MTUS2: variants seen among roughly 807,000 people sequenced by gnomAD.
MTUS2 encodes the protein microtubule associated scaffold protein 2.
A neutral mutation model predicts 114.1 loss-of-function variants in MTUS2; 40 were observed. The observed-to-expected ratio is 0.35, with a 90% CI of 0.27 to 0.46. MTUS2 has a LOEUF of 0.46. MTUS2 is among the 20% of genes least tolerant of loss of function. The pLI is 1.00. For missense variants in MTUS2, 1,679 were observed against 1,705.4 expected (o/e 0.98, Z 0.27); for synonymous variants, 688 against 672.0 (o/e 1.02, Z -0.37).
intron 9 of MTUS2, among the ~76,000 whole-genome samples, chr13:29,458,625 C>T (rs549573033): frequency 2.0e-5 from 3 of 152,320 alleles, no homozygotes; most frequent in African/African-American, 7.2e-5. Context: ...ACCACTCTCT[C>T]CCAATCTCTA....
At chr13:28,911,150 C>T (rs1049214072) in intron 2 of MTUS2, among the ~76,000 whole-genome samples, 7 of 147,398 alleles carry the variant, frequency 4.7e-5, no homozygotes, top group African/African-American at 1.5e-4. Flanking sequence ...GCTGGGATTA[C>T]AGGCATGAGC....
chr13:29,012,941 GCAAC>G (rs1426407694), intron 2 of MTUS2, among the ~76,000 whole-genome samples: 2 of 152,164 alleles, frequency 1.3e-5, no homozygotes, highest in African/African-American at 4.8e-5. Context: ...AGGCTATGAA[GCAAC>G]CAGGTGTGAG....
intron 5 of MTUS2, among the ~76,000 whole-genome samples, chr13:29,224,948 G>T (rs1457054415): frequency 2.0e-5 from 3 of 152,202 alleles, no homozygotes; most frequent in East Asian, 1.9e-4. Flanking sequence ...CTGCACCAGG[G>T]TTTAGTGGGA....
intron 2 of MTUS2, among the ~76,000 whole-genome samples, chr13:28,972,583 T>A (rs1467093894): frequency 6.6e-6 from 1 of 152,170 alleles, no homozygotes; most frequent in East Asian, 1.9e-4. Flanking sequence ...GCCACTTAGG[T>A]TAGTTTTACC....
Position 29,505,947 on chromosome 13 carries a change from A to G in MTUS2, c.*2741A>G. The G allele has an allele frequency of 4.8e-6, 1 of 206,274 alleles. No individual in the cohort carries two copies. Among genetic ancestry groups the G allele is most frequent in the Non-Finnish European group, 9.9e-6 (1 of 100,862 alleles). 12.8% of individuals were successfully genotyped at this position (206,274 alleles called of 1,614,324 possible). On this transcript the variant is annotated 3_prime_UTR_variant, in exon 16 of 16. Coordinates refer to ENST00000612955, the MANE Select transcript of MTUS2 (RefSeq NM_001033602.4). Reference sequence around the variant, plus strand: ...AAATAAACTTGAGGGACTTTCTGCGATATCTACTTGATGTAACTGGAGACC... The same window carrying G: ...AAATAAACTTGAGGGACTTTCTGCGGTATCTACTTGATGTAACTGGAGACC...
At chr13:29,416,827 T>G (rs1875704365) in intron 8 of MTUS2, among the ~76,000 whole-genome samples, 1 of 151,022 alleles carries the variant, frequency 6.6e-6, no homozygotes, top group African/African-American at 2.4e-5. Context: ...GCCTAGAGGT[T>G]TTGTTTTGTT....
intron 5 of MTUS2, among the ~76,000 whole-genome samples, chr13:29,112,217 C>A (rs1416817722): frequency 6.6e-6 from 1 of 152,110 alleles, no homozygotes; most frequent in South Asian, 2.1e-4. Context: ...GAAGCTGACA[C>A]ATTGTGTAGG....
chr13:29,437,108 A>G (rs61946431), intron 8 of MTUS2, among the ~76,000 whole-genome samples: 13,220 of 152,248 alleles, frequency 0.087, 806 homozygotes, highest in Non-Finnish European at 0.12. Flanking sequence ...TCCCTAGGGC[A>G]TGACTCTGAT....
intron 4 of MTUS2, among the ~76,000 whole-genome samples, chr13:29,088,962 G>A (rs558149562): frequency 9.9e-5 from 15 of 152,206 alleles, no homozygotes; most frequent in African/African-American, 2.6e-4. Context: ...TACATTTAAG[G>A]TCAATATTGA....
chr13:29,299,235 G>T (rs528629101), intron 6 of MTUS2, among the ~76,000 whole-genome samples: 1 of 152,310 alleles, frequency 6.6e-6, no homozygotes, highest in East Asian at 1.9e-4. Flanking sequence ...TAGATGGTCT[G>T]TCTGCTGTTC....
intron 6 of MTUS2, among the ~76,000 whole-genome samples, chr13:29,291,237 A>G (rs1358698211): frequency 6.6e-6 from 1 of 152,030 alleles, no homozygotes; most frequent in Admixed American, 6.5e-5. Flanking sequence ...TCGTCTCTCC[A>G]CTGTTGTTAA....
chr13:29,054,293 G>A (rs986183019), intron 4 of MTUS2, among the ~76,000 whole-genome samples: 1 of 151,982 alleles, frequency 6.6e-6, no homozygotes, highest in Non-Finnish European at 1.5e-5. Flanking sequence ...AGCTGTAAGG[G>A]ATATTTATAT....
intron 7 of MTUS2, among the ~76,000 whole-genome samples, chr13:29,338,431 C>A (rs1593320141): frequency 1.3e-5 from 2 of 150,820 alleles, no homozygotes; most frequent in Non-Finnish European, 1.5e-5. Flanking sequence ...TATTAAAATA[C>A]AAAAAAAAAT....
At chr13:29,000,964 G>T (rs183962518) in intron 2 of MTUS2, among the ~76,000 whole-genome samples, 1 of 152,102 alleles carries the variant, frequency 6.6e-6, no homozygotes, top group East Asian at 1.9e-4. Flanking sequence ...CCCCAGTTCC[G>T]CTGAACACTT....
At chr13:29,161,692 A>T (rs1317519227) in intron 5 of MTUS2, among the ~76,000 whole-genome samples, 1 of 152,202 alleles carries the variant, frequency 6.6e-6, no homozygotes, top group African/African-American at 2.4e-5. Context: ...ATTAGGATTC[A>T]TCTCCACAGT....
At chr13:29,200,031 G>A (rs1201455337) in intron 5 of MTUS2, among the ~76,000 whole-genome samples, 1 of 152,034 alleles carries the variant, frequency 6.6e-6, no homozygotes, top group Non-Finnish European at 1.5e-5. Flanking sequence ...GATCAGTGGT[G>A]ATATCTGCTT....
rs111341440 is a variant in MTUS2, at chr13:29,212,559, T to G, written c.2645-69145T>G. Among the ~76,000 whole-genome samples, 322 of 151,892 alleles carry G rather than the reference T, an allele frequency of 2.1e-3. 2 individuals carry two copies. The highest frequency in any genetic ancestry group is 6.9e-3 in the African/African-American group (288 of 41,572). On this transcript the variant is annotated intron_variant, in intron 5 of 15. Transcript: ENST00000612955. ...TAGTAGGTGTGTATGTGACCCACAC[T>G]TCTGTCTGACTTGGCTACAAATTGG...
intron 5 of MTUS2, among the ~76,000 whole-genome samples, chr13:29,193,939 G>A (rs1181089000): frequency 9.9e-5 from 15 of 151,808 alleles, no homozygotes; most frequent in Admixed American, 1.3e-4. Flanking sequence ...AAATAACGCC[G>A]CATATCTACA....
intron 8 of MTUS2, among the ~76,000 whole-genome samples, chr13:29,368,533 C>T (rs147711681): frequency 7.9e-5 from 12 of 152,030 alleles, no homozygotes; most frequent in African/African-American, 2.9e-4. Flanking sequence ...TTTGAGGTGA[C>T]GAATATCCTA....
Sources: gnomAD v4.1 joint callset for allele counts (sites outside exome capture counted in the v4.1 genomes callset) on GRCh38, gnomAD v4.1.1 for gene constraint, MANE v1.5 for transcripts, NCBI Gene and HGNC (gene_info 2026-07-23, HGNC 2026-07-21) for gene names.